Variants in SPECC1 observed in about 807,000 individuals in gnomAD.
SPECC1 encodes cytospin-B.
SPECC1 carries 62 observed loss-of-function variants against 104.1 expected under a neutral mutation model. That is an observed-to-expected ratio of 0.60 (90% CI 0.49 to 0.74). The LOEUF is 0.74. SPECC1 is among the 30% of genes least tolerant of loss of function. The pLI is 0.00. For synonymous variants in SPECC1, 513 were observed against 501.6 expected, an observed-to-expected ratio of 1.02 and a Z score of -0.30; for missense variants, 1,306 against 1,310.5, an observed-to-expected ratio of 1.00 and a Z score of 0.05.
chr17:20,298,292 C>T (rs2041422627), intron 13 of SPECC1, among the ~76,000 whole-genome samples: 1 of 152,074 alleles, frequency 6.6e-6, no homozygotes, highest in South Asian at 2.1e-4. Context: ...GCAGATCGCA[C>T]CACTGCACTT....
intron 2 of SPECC1, among the ~76,000 whole-genome samples, chr17:20,101,694 T>C (rs58334454): frequency 0.015 from 2,278 of 152,254 alleles, 42 homozygotes; most frequent in African/African-American, 0.052. Context: ...TGATGAAACA[T>C]TGGCTTAAGC....
chr17:20,225,058 G>A (rs1011835189), intron 4 of SPECC1, among the ~76,000 whole-genome samples: 17 of 152,090 alleles, frequency 1.1e-4, no homozygotes, highest in Non-Finnish European at 1.5e-5. Flanking sequence ...TTTCCTTCTG[G>A]TCCAGGCTAT....
At chr17:20,141,660 A>T (rs1354858362) in intron 3 of SPECC1, among the ~76,000 whole-genome samples, 1 of 152,170 alleles carries the variant, frequency 6.6e-6, no homozygotes, top group Non-Finnish European at 1.5e-5. Flanking sequence ...GAGTTTTAAG[A>T]TATTCCTGTC....
At chr17:20,122,767 A>C (rs2049101090) in intron 3 of SPECC1, among the ~76,000 whole-genome samples, 1 of 152,232 alleles carries the variant, frequency 6.6e-6, no homozygotes, top group Non-Finnish European at 1.5e-5. Flanking sequence ...TTCACTCAGC[A>C]TAATATCCTC....
intron 12 of SPECC1, among the ~76,000 whole-genome samples, chr17:20,270,233 A>C (rs2040354416): frequency 1.3e-5 from 2 of 152,082 alleles, no homozygotes; most frequent in South Asian, 4.2e-4. Context: ...AAGCCACTGA[A>C]CTATACACTT....
At chr17:20,078,806 G>T (rs760815763) in intron 1 of SPECC1, among the ~76,000 whole-genome samples, 5 of 152,168 alleles carry the variant, frequency 3.3e-5, no homozygotes, top group Non-Finnish European at 5.9e-5. Context: ...CACTGGATGT[G>T]TGATATCAAA....
chr17:20,016,495 ACG>A (rs1308670146), intron 1 of SPECC1, among the ~76,000 whole-genome samples: 1 of 152,002 alleles, frequency 6.6e-6, no homozygotes, highest in Non-Finnish European at 1.5e-5. Flanking sequence ...CCGGGGCTGT[ACG>A]CGGTGCTTGC....
At chr17:20,097,089 G>A (rs761071585) in intron 2 of SPECC1, among the ~76,000 whole-genome samples, 3 of 152,202 alleles carry the variant, frequency 2.0e-5, no homozygotes, top group African/African-American at 7.2e-5. Context: ...GCACGGCCCT[G>A]GATAGGGGTC....
At chr17:20,088,646 A>G (rs535050638) in intron 1 of SPECC1, among the ~76,000 whole-genome samples, 5 of 152,346 alleles carry the variant, frequency 3.3e-5, no homozygotes, top group Admixed American at 2.0e-4. Context: ...CGCAAGTTTC[A>G]TTGGAAGTGC....
At chr17:20,138,619 C>T (rs1033633587) in intron 3 of SPECC1, among the ~76,000 whole-genome samples, 7 of 152,166 alleles carry the variant, frequency 4.6e-5, no homozygotes, top group African/African-American at 1.7e-4. Context: ...TGGAATCATA[C>T]AGTATGTCAC....
intron 2 of SPECC1, among the ~76,000 whole-genome samples, chr17:20,101,590 C>T (rs1456033953): frequency 6.6e-6 from 1 of 152,200 alleles, no homozygotes; most frequent in African/African-American, 2.4e-5. Flanking sequence ...TGTAAATCCT[C>T]CTTGTGGTAT....
chr17:20,258,393 C>G (rs2039907501), intron 11 of SPECC1, among the ~76,000 whole-genome samples: 1 of 152,210 alleles, frequency 6.6e-6, no homozygotes, highest in Non-Finnish European at 1.5e-5. Flanking sequence ...TCCTCCCTTT[C>G]CAGTGCCCCT....
chr17:20,223,702 T>A (rs2038035988), intron 4 of SPECC1, among the ~76,000 whole-genome samples: 1 of 152,150 alleles, frequency 6.6e-6, no homozygotes, highest in Non-Finnish European at 1.5e-5. Context: ...TTCAATCTCT[T>A]TATTAAATAT....
At chr17:20,240,552 T>C (rs1041544577) in intron 7 of SPECC1, among the ~76,000 whole-genome samples, 10 of 152,166 alleles carry the variant, frequency 6.6e-5, no homozygotes, top group Non-Finnish European at 1.5e-5. Flanking sequence ...CACACACATA[T>C]GCAGGCCATT....
At chr17:20,062,145 C>T (rs1299052041) in intron 1 of SPECC1, among the ~76,000 whole-genome samples, 2 of 150,834 alleles carry the variant, frequency 1.3e-5, no homozygotes, top group East Asian at 2.0e-4. Flanking sequence ...CCCAGCTACT[C>T]GAGAGGCTGA....
chr17:20,276,474 T>C (rs1447499165), intron 12 of SPECC1, among the ~76,000 whole-genome samples: 1 of 152,230 alleles, frequency 6.6e-6, no homozygotes, highest in Non-Finnish European at 1.5e-5. Context: ...GTCTTATAAA[T>C]AGTTTGGCTT....
chr17:20,213,877 ATT>A (rs11366612), intron 4 of SPECC1, among the ~76,000 whole-genome samples: 10 of 151,286 alleles, frequency 6.6e-5, no homozygotes, highest in African/African-American at 1.7e-4. Flanking sequence ...TCTCTGAAGA[ATT>A]TTTTTTTTTA....
chr17:20,130,528 C>T (rs1480441649), intron 3 of SPECC1, among the ~76,000 whole-genome samples: 2 of 152,260 alleles, frequency 1.3e-5, no homozygotes, highest in Middle Eastern at 3.4e-3. Context: ...GAGCGAGACC[C>T]TGTCTCTATT....
chr17:20,304,460 C>G (rs1468058611), intron 13 of SPECC1, among the ~76,000 whole-genome samples: 1 of 152,030 alleles, frequency 6.6e-6, no homozygotes, highest in African/African-American at 2.4e-5. Context: ...TCTAGATGAA[C>G]AAACATCAGA....
Sources: allele counts gnomAD v4.1 joint callset (sites outside exome capture counted in the v4.1 genomes callset), GRCh38; gene constraint gnomAD v4.1.1; transcripts MANE v1.5; gene names NCBI Gene and HGNC (gene_info 2026-07-23, HGNC 2026-07-21).